The following LRRC4C variants were observed in gnomAD, a reference collection of about 807,000 sequenced individuals.
LRRC4C encodes the protein leucine-rich repeat-containing protein 4C.
A neutral mutation model predicts 33.6 loss-of-function variants in LRRC4C; 5 were observed. The ratio of observed to expected loss-of-function variants is 0.15; its 90% CI spans 0.08 to 0.31. The LOEUF (loss-of-function observed/expected upper bound fraction) is 0.31, where lower values mean the gene tolerates loss of function less well. Ranked by LOEUF, LRRC4C falls within the 10% of genes least tolerant of loss-of-function variation. LRRC4C has a pLI of 1.00. For missense variants in LRRC4C, 560 were observed against 796.7 expected (o/e 0.70, Z 3.58); for synonymous variants, 329 against 302.0 (o/e 1.09, Z -0.93).
chr11:41,091,013 G>T (rs988796423), intron 1 of LRRC4C, among the ~76,000 whole-genome samples: 10 of 152,036 alleles, frequency 6.6e-5, no homozygotes, highest in African/African-American at 2.2e-4. Flanking sequence ...GCACAAGAAA[G>T]AAAAAAGCAT....
At chr11:41,201,746 A>G (rs1946405379) in intron 1 of LRRC4C, among the ~76,000 whole-genome samples, 1 of 152,204 alleles carries the variant, frequency 6.6e-6, no homozygotes, top group Admixed American at 6.5e-5. Context: ...TTTTCTTTTA[A>G]AGATTTTAGC....
intron 5 of LRRC4C, among the ~76,000 whole-genome samples, chr11:40,147,507 A>AT (rs1175171550): frequency 6.6e-6 from 1 of 151,910 alleles, no homozygotes. Flanking sequence ...TTTCTTCTGC[A>AT]TTTTTTTCTC....
rs771049105 is a variant in LRRC4C at position 40,274,422 on chromosome 11, CAT to C, written c.-175-32826_-175-32825del. 4.4e-3 allele frequency among the ~76,000 whole-genome samples: 553 copies of C among 124,400 alleles called. 2 individuals are homozygous for C. The highest frequency in any genetic ancestry group is 6.4e-3 in the Non-Finnish European group (384 of 59,772). 81.6% of individuals were successfully genotyped at this position (124,400 alleles called of 152,430 possible). ...GCTTACCCTGCGGAATAGACACACA[CAT>C]ACACACACACACACACACACACACA... On this transcript the variant is annotated intron_variant, in intron 4 of 6. Coordinates refer to ENST00000528697, the MANE Select transcript of LRRC4C (RefSeq NM_001258419.2).
In LRRC4C at chr11:41,198,915, C is replaced by T. The variant is rs570893057; in HGVS notation, c.-496+260516G>A. Among the ~76,000 whole-genome samples the T allele has an allele frequency of 2.6e-5, 4 of 152,100 alleles. No individual in the cohort carries two copies. In the South Asian group the frequency reaches 6.2e-4, roughly 24 times the overall value. On this transcript the variant is annotated intron_variant, in intron 1 of 6. Transcript: ENST00000528697. Reference sequence around the variant, plus strand: ...AAAATTTAGAACTCAGCAGTCTCAACGGGTGTTTTATTTATTTTATCCACA... The same window carrying T: ...AAAATTTAGAACTCAGCAGTCTCAATGGGTGTTTTATTTATTTTATCCACA...
intron 1 of LRRC4C, among the ~76,000 whole-genome samples, chr11:41,303,298 G>A (rs1448413692): frequency 3.4e-4 from 46 of 137,052 alleles, no homozygotes; most frequent in African/African-American, 1.1e-3. Context: ...TGTGTTGGCC[G>A]GGCCGGTCTC....
intron 2 of LRRC4C, among the ~76,000 whole-genome samples, chr11:40,895,365 A>T (rs1012237994): frequency 6.6e-6 from 1 of 151,942 alleles, no homozygotes; most frequent in Non-Finnish European, 1.5e-5. Context: ...ATCTAAACTA[A>T]TTAAAATACC....
intron 1 of LRRC4C, among the ~76,000 whole-genome samples, chr11:41,392,215 T>C (rs954626888): frequency 6.6e-6 from 1 of 151,906 alleles, no homozygotes; most frequent in African/African-American, 2.4e-5. Context: ...GCAGTGAGAC[T>C]TTAGCTACTG....
rs1375056804 is a variant in LRRC4C, at chr11:40,123,646, T to TA, written c.-42-7313dup. ...CATGGATTAGAAGAAACAATAGGAT[T>TA]AAAATGTCCATATTACACTAAGCAA... On this transcript the variant is annotated intron_variant, in intron 6 of 6. Coordinates refer to ENST00000528697, the MANE Select transcript of LRRC4C (RefSeq NM_001258419.2). 5.3e-5 allele frequency among the ~76,000 whole-genome samples: 8 copies of TA among 151,966 alleles called. No homozygotes were observed. In the South Asian group the frequency reaches 1.5e-3, roughly 28 times the overall value.
At chr11:40,361,294 G>C (rs951901528) in intron 3 of LRRC4C, among the ~76,000 whole-genome samples, 1 of 152,072 alleles carries the variant, frequency 6.6e-6, no homozygotes, top group Non-Finnish European at 1.5e-5. Context: ...TAGAAAGAGA[G>C]GAAGTCAAAC....
At chr11:40,910,363 G>C (rs1238509692) in intron 2 of LRRC4C, among the ~76,000 whole-genome samples, 1 of 152,022 alleles carries the variant, frequency 6.6e-6, no homozygotes, top group African/African-American at 2.4e-5. Flanking sequence ...AAGACACATA[G>C]ATGAAAAAAA....
At chr11:40,398,642 C>T (rs1949636703) in intron 3 of LRRC4C, among the ~76,000 whole-genome samples, 1 of 151,922 alleles carries the variant, frequency 6.6e-6, no homozygotes, top group Non-Finnish European at 1.5e-5. Flanking sequence ...AAAGAAAATG[C>T]AACAGGGTCA....
At chr11:40,306,542 C>T (rs952640069) in intron 4 of LRRC4C, among the ~76,000 whole-genome samples, 1 of 152,200 alleles carries the variant, frequency 6.6e-6, no homozygotes, top group Non-Finnish European at 1.5e-5. Context: ...ACTCTACCTG[C>T]TTTCACTCCA....
At position 40,758,659 on chromosome 11, in the gene LRRC4C, G is replaced by A. The variant is rs1393628384; in HGVS notation, c.-406-110381C>T. ...TGGATCTCTAAGACTCTAGAAAAAG[G>A]AAGATGTAAAAGGTTTAAAGATACT... On this transcript the variant is annotated intron_variant, in intron 2 of 6. Transcript: ENST00000528697. Among the ~76,000 whole-genome samples the A allele has an allele frequency of 3.9e-5, 6 of 152,098 alleles. No homozygotes were observed. The East Asian group carries it at 1.2e-3, about 29-fold the overall frequency.
chr11:40,766,467 C>A (rs1015896524), intron 2 of LRRC4C, among the ~76,000 whole-genome samples: 3 of 148,620 alleles, frequency 2.0e-5, no homozygotes, highest in Non-Finnish European at 3.0e-5. Context: ...TACTATAACA[C>A]TGTAATTGTG....
chr11:41,374,526 A>C (rs1402416800), intron 1 of LRRC4C, among the ~76,000 whole-genome samples: 1 of 152,194 alleles, frequency 6.6e-6, no homozygotes, highest in East Asian at 1.9e-4. Flanking sequence ...ACACAACAAA[A>C]GTGATTTCTA....
intron 1 of LRRC4C, among the ~76,000 whole-genome samples, chr11:41,005,552 C>T (rs192752897): frequency 1.4e-4 from 22 of 152,004 alleles, no homozygotes; most frequent in African/African-American, 2.2e-4. Flanking sequence ...TGCAGTGAGC[C>T]GATATCATGC....
chr11:41,006,224 A>C (rs1380098566), intron 1 of LRRC4C, among the ~76,000 whole-genome samples: 1 of 152,212 alleles, frequency 6.6e-6, no homozygotes, highest in African/African-American at 2.4e-5. Flanking sequence ...TTTTTCACTC[A>C]TTCAAACAGC....
At chr11:40,672,195 C>T (rs2136279900) in intron 2 of LRRC4C, among the ~76,000 whole-genome samples, 1 of 152,244 alleles carries the variant, frequency 6.6e-6, no homozygotes, top group Admixed American at 6.5e-5. Context: ...GGCCAGATTT[C>T]TAGGTGTGTT....
chr11:41,115,888 G>A (rs944001142), intron 1 of LRRC4C, among the ~76,000 whole-genome samples: 3 of 151,954 alleles, frequency 2.0e-5, no homozygotes, highest in Non-Finnish European at 4.4e-5. Context: ...CTGCCTCCTA[G>A]CTAGCAAGGT....
Sources: allele counts gnomAD v4.1 joint callset (sites outside exome capture counted in the v4.1 genomes callset), GRCh38; gene constraint gnomAD v4.1.1; transcripts MANE v1.5; gene names NCBI Gene and HGNC (gene_info 2026-07-23, HGNC 2026-07-21).